The following BICD1 variants were observed in gnomAD, a reference collection of about 807,000 sequenced individuals.
BICD1 encodes the protein protein bicaudal D homolog 1.
A neutral mutation model predicts 92.5 loss-of-function variants in BICD1; 35 were observed. The observed-to-expected ratio is 0.38, with a 90% confidence interval of 0.29 to 0.50. The LOEUF (loss-of-function observed/expected upper bound fraction) is 0.50. Among genes scored for constraint, BICD1 ranks in the 20% least tolerant of loss-of-function variants. BICD1 has a pLI of 0.93. For missense variants in BICD1, 950 were observed against 1,189.8 expected (o/e 0.80, Z 2.97); for synonymous variants, 429 against 465.1 (o/e 0.92, Z 1.00).
chr12:32,150,159 C>G (rs4931612), intron 1 of BICD1, among the ~76,000 whole-genome samples: 1 of 152,048 alleles, frequency 6.6e-6, no homozygotes, highest in African/African-American at 2.4e-5. Flanking sequence ...TACCTTCCAC[C>G]GGGTCCCTCC....
intron 2 of BICD1, among the ~76,000 whole-genome samples, chr12:32,221,449 C>T (rs138053536): frequency 3.3e-5 from 5 of 151,564 alleles, no homozygotes; most frequent in South Asian, 4.2e-4. Context: ...TTTGGGAGGC[C>T]GAGGCGGCTG....
intron 1 of BICD1, among the ~76,000 whole-genome samples, chr12:32,214,019 G>A (rs1050621139): frequency 1.3e-4 from 20 of 152,102 alleles, no homozygotes; most frequent in African/African-American, 4.8e-4. Context: ...GTAAGGAAGA[G>A]CTGTTCTTTC....
chr12:32,261,006 A>G (rs2136126292), intron 2 of BICD1, among the ~76,000 whole-genome samples: 1 of 152,302 alleles, frequency 6.6e-6, no homozygotes, highest in South Asian at 2.1e-4. Flanking sequence ...ACTGATTCGG[A>G]GAATCTCAGT....
chr12:32,355,764 C>T (rs1939071156), intron 8 of BICD1, among the ~76,000 whole-genome samples: 2 of 151,482 alleles, frequency 1.3e-5, no homozygotes, highest in South Asian at 4.2e-4. Context: ...ATGGAGATCA[C>T]GCCACTGCAC....
chr12:32,347,644 A>C (rs1938680654), intron 8 of BICD1, among the ~76,000 whole-genome samples: 1 of 150,430 alleles, frequency 6.6e-6, no homozygotes. Flanking sequence ...ATCTCAATTA[A>C]AAAAAAAGAA....
At chr12:32,156,163 ACAG>A (rs1355310533) in intron 1 of BICD1, among the ~76,000 whole-genome samples, 1 of 152,240 alleles carries the variant, frequency 6.6e-6, no homozygotes. Flanking sequence ...TAAAGAGACA[ACAG>A]CAGAATCAGG....
At chr12:32,245,748 A>G (rs1301089283) in intron 2 of BICD1, among the ~76,000 whole-genome samples, 1 of 152,062 alleles carries the variant, frequency 6.6e-6, no homozygotes, top group Admixed American at 6.6e-5. Context: ...GAAAAAGGAT[A>G]AGCTGGGCAC....
chr12:32,109,827 C>G (rs1488395758), intron 1 of BICD1, among the ~76,000 whole-genome samples: 1 of 151,904 alleles, frequency 6.6e-6, no homozygotes, highest in Non-Finnish European at 1.5e-5. Context: ...AGTAACATTT[C>G]TTGTATGAAA....
intron 1 of BICD1, among the ~76,000 whole-genome samples, chr12:32,125,619 C>T (rs1942299979): frequency 6.6e-6 from 1 of 152,152 alleles, no homozygotes; most frequent in Admixed American, 6.6e-5. Flanking sequence ...TCTGACTAAC[C>T]TTCCTGCTAG....
chr12:32,215,959 A>AG (rs1395694469), intron 1 of BICD1, among the ~76,000 whole-genome samples: 1 of 150,636 alleles, frequency 6.6e-6, no homozygotes, highest in Non-Finnish European at 1.5e-5. Context: ...GTCTCAAAAA[A>AG]AAAAAAAAAA....
At chr12:32,331,743 A>C (rs1937881702) in intron 5 of BICD1, among the ~76,000 whole-genome samples, 2 of 152,208 alleles carry the variant, frequency 1.3e-5, no homozygotes, top group South Asian at 4.1e-4. Context: ...ATTTTGGATT[A>C]AGGATGCTCA....
intron 8 of BICD1, among the ~76,000 whole-genome samples, chr12:32,355,197 C>A (rs951251429): frequency 6.6e-6 from 1 of 152,158 alleles, no homozygotes; most frequent in Non-Finnish European, 1.5e-5. Flanking sequence ...ACCTTAAAAT[C>A]TTTATCAGAT....
chr12:32,287,879 G>C (rs920571921), intron 2 of BICD1, among the ~76,000 whole-genome samples: 17 of 152,152 alleles, frequency 1.1e-4, no homozygotes, highest in Admixed American at 2.6e-4. Flanking sequence ...TTGCTCATGT[G>C]GTTGCAGTCA....
chr12:32,335,666 G>A (rs1938085035), intron 6 of BICD1, among the ~76,000 whole-genome samples: 1 of 150,034 alleles, frequency 6.7e-6, no homozygotes, highest in Non-Finnish European at 1.5e-5. Context: ...CTGCAGCCTG[G>A]ACATCCTGGA....
At chr12:32,297,277 G>A (rs149922919) in intron 3 of BICD1, among the ~76,000 whole-genome samples, 4,754 of 152,042 alleles carry the variant, frequency 0.031, 264 homozygotes, top group African/African-American at 0.11. Flanking sequence ...GCTTAATCTC[G>A]GCTCACTGCA....
At chr12:32,251,585 A>G (rs1946523590) in intron 2 of BICD1, among the ~76,000 whole-genome samples, 1 of 152,150 alleles carries the variant, frequency 6.6e-6, no homozygotes, top group South Asian at 2.1e-4. Flanking sequence ...TTATCACCTA[A>G]TTGTATATTT....
At chr12:32,164,763 A>G (rs1053562866) in intron 1 of BICD1, among the ~76,000 whole-genome samples, 3 of 152,228 alleles carry the variant, frequency 2.0e-5, no homozygotes, top group Non-Finnish European at 2.9e-5. Context: ...AAGGGCCTCT[A>G]AGGACAAAAG....
chr12:32,270,534 G>A (rs1947111386), intron 2 of BICD1, among the ~76,000 whole-genome samples: 1 of 152,148 alleles, frequency 6.6e-6, no homozygotes, highest in Non-Finnish European at 1.5e-5. Context: ...TAATTAAATG[G>A]TGAATAAGAA....
At chr12:32,114,836 C>G (rs1182717088) in intron 1 of BICD1, among the ~76,000 whole-genome samples, 4 of 152,172 alleles carry the variant, frequency 2.6e-5, no homozygotes, top group African/African-American at 4.8e-5. Flanking sequence ...AAAAAGCTGA[C>G]TGGGGACAGT....
Sources: gnomAD v4.1 joint callset for allele counts (sites outside exome capture counted in the v4.1 genomes callset) on GRCh38, gnomAD v4.1.1 for gene constraint, MANE v1.5 for transcripts, NCBI Gene and HGNC (gene_info 2026-07-23, HGNC 2026-07-21) for gene names.